Variants in CDH18 observed in about 807,000 individuals in gnomAD.
CDH18 encodes cadherin 18.
Under a neutral mutation model 67.9 loss-of-function variants are expected in CDH18, and 31 were observed. That is an observed-to-expected ratio of 0.46 (90% confidence interval 0.34 to 0.62). The LOEUF is 0.62. Ranked by LOEUF, CDH18 falls within the 20% of genes least tolerant of loss-of-function variation. The probability of loss-of-function intolerance (pLI) is 0.01; values close to 1 mark genes in which losing one functional copy is unlikely to be tolerated. For missense variants in CDH18, 890 were observed against 975.5 expected (o/e 0.91, Z 1.17); for synonymous variants, 362 against 347.2 (o/e 1.04, Z -0.48).
intron 5 of CDH18, among the ~76,000 whole-genome samples, chr5:19,647,568 TTGTAGTGGACTCTGGAGG>T (rs1241042790): frequency 2.2e-5 from 3 of 137,834 alleles, no homozygotes; most frequent in Non-Finnish European, 3.1e-5. Flanking sequence ...AAGATGCCTA[TTGTAGTGGACTCTGGAGG>T]CTAGCAACAA....
intron 1 of CDH18, among the ~76,000 whole-genome samples, chr5:20,482,175 T>TA (rs1186454942): frequency 6.6e-6 from 1 of 151,654 alleles, no homozygotes; most frequent in East Asian, 1.9e-4. Flanking sequence ...GCCAACCAAC[T>TA]AAAAAATCTA....
chr5:20,004,603 A>G (rs1736736405), intron 2 of CDH18, among the ~76,000 whole-genome samples: 1 of 152,248 alleles, frequency 6.6e-6, no homozygotes, highest in Non-Finnish European at 1.5e-5. Flanking sequence ...AAGATGGAAC[A>G]ATTATTAACT....
intron 2 of CDH18, among the ~76,000 whole-genome samples, chr5:19,873,463 A>G (rs1786556781): frequency 6.6e-6 from 1 of 152,102 alleles, no homozygotes; most frequent in African/African-American, 2.4e-5. Flanking sequence ...ATGGTGGAAG[A>G]GAAGAGGCTT....
chr5:19,588,581 C>T (rs1232873491), intron 7 of CDH18, among the ~76,000 whole-genome samples: 1 of 151,798 alleles, frequency 6.6e-6, no homozygotes, highest in Non-Finnish European at 1.5e-5. Flanking sequence ...ATAGGCTAAA[C>T]CCCCCAATAA....
At chr5:19,600,221 G>GA (rs1209109072) in intron 6 of CDH18, among the ~76,000 whole-genome samples, 4 of 112,860 alleles carry the variant, frequency 3.5e-5, no homozygotes, top group Non-Finnish European at 7.1e-5. Context: ...AGGGGGGAGG[G>GA]ATAGCACTAG....
chr5:20,009,049 G>T (rs1027495885), intron 2 of CDH18, among the ~76,000 whole-genome samples: 1 of 152,082 alleles, frequency 6.6e-6, no homozygotes, highest in Non-Finnish European at 1.5e-5. Context: ...TCTGTATTGT[G>T]AGCTTGGTTA....
chr5:20,356,362 G>A (rs183110750), intron 1 of CDH18, among the ~76,000 whole-genome samples: 152 of 152,160 alleles, frequency 1.0e-3, no homozygotes, highest in Middle Eastern at 6.8e-3. Context: ...CAGCCTGGGC[G>A]AAAGAGCAAG....
At chr5:20,110,118 A>G (rs892348839) in intron 2 of CDH18, among the ~76,000 whole-genome samples, 2 of 152,198 alleles carry the variant, frequency 1.3e-5, no homozygotes, top group Non-Finnish European at 2.9e-5. Context: ...CATAAAGAAA[A>G]CAATGCATTT....
At chr5:20,165,664 A>T (rs1480694419) in intron 2 of CDH18, among the ~76,000 whole-genome samples, 1 of 152,138 alleles carries the variant, frequency 6.6e-6, no homozygotes, top group Non-Finnish European at 1.5e-5. Context: ...CACTCTCCCA[A>T]TGAAATCGTT....
At chr5:20,320,433 A>G (rs747338747) in intron 1 of CDH18, among the ~76,000 whole-genome samples, 12 of 151,992 alleles carry the variant, frequency 7.9e-5, no homozygotes, top group Admixed American at 3.3e-4. Flanking sequence ...GGCAGTCAGA[A>G]TCCTGAAGTG....
chr5:20,477,723 C>T (rs74538123), intron 1 of CDH18, among the ~76,000 whole-genome samples: 5,725 of 152,200 alleles, frequency 0.038, 353 homozygotes, highest in African/African-American at 0.13. Flanking sequence ...ACTGCAATTG[C>T]TTGGAAAGTC....
chr5:19,820,999 C>T (rs187458550), intron 3 of CDH18, among the ~76,000 whole-genome samples: 2 of 152,292 alleles, frequency 1.3e-5, no homozygotes, highest in Admixed American at 6.5e-5. Context: ...CGTTACTCAT[C>T]TCAGATGAGA....
At chr5:19,877,350 G>C (rs1308426013) in intron 2 of CDH18, among the ~76,000 whole-genome samples, 1 of 152,054 alleles carries the variant, frequency 6.6e-6, no homozygotes, top group Non-Finnish European at 1.5e-5. Context: ...TTTAAATGTG[G>C]GTATGCTTTG....
chr5:20,370,973 G>T (rs1426057291), intron 1 of CDH18, among the ~76,000 whole-genome samples: 1 of 151,452 alleles, frequency 6.6e-6, no homozygotes, highest in African/African-American at 2.4e-5. Flanking sequence ...GGAAGTGGAG[G>T]TTGCAGTGAG....
intron 2 of CDH18, among the ~76,000 whole-genome samples, chr5:20,023,531 C>A (rs1328110782): frequency 2.0e-5 from 3 of 151,770 alleles, no homozygotes; most frequent in Non-Finnish European, 4.4e-5. Flanking sequence ...TGGTGGCGGG[C>A]ACCTGTACTC....
chr5:20,530,496 G>A (rs1756333214), intron 1 of CDH18, among the ~76,000 whole-genome samples: 2 of 151,936 alleles, frequency 1.3e-5, no homozygotes, highest in African/African-American at 4.8e-5. Flanking sequence ...TATACTACAA[G>A]GCAACAGTGA....
chr5:20,256,272 G>T (rs1744228197), intron 1 of CDH18, among the ~76,000 whole-genome samples: 1 of 152,006 alleles, frequency 6.6e-6, no homozygotes, highest in South Asian at 2.1e-4. Context: ...GTTCTCAGAA[G>T]ATAATAATCC....
rs533495562 is a variant in CDH18, at chr5:19,708,672, C to T, written c.643+12675G>A. 5.3e-5 allele frequency among the ~76,000 whole-genome samples: 8 copies of T among 152,300 alleles called. No homozygotes were observed. The South Asian group carries it at 8.3e-4, about 16-fold the overall frequency. On this transcript the variant is annotated intron_variant, in intron 5 of 12. Transcript: ENST00000382275. ...CCTGAACCACAAACAATAGCATGAG[C>T]GATCTGTGCCTTAAGAACATGTTCC...
intron 2 of CDH18, among the ~76,000 whole-genome samples, chr5:20,117,788 A>G (rs1346168772): frequency 6.6e-6 from 1 of 152,218 alleles, no homozygotes; most frequent in African/African-American, 2.4e-5. Context: ...ATTTTAAGGC[A>G]CTTAATGAAA....
Sources: gnomAD v4.1 joint callset for allele counts (sites outside exome capture counted in the v4.1 genomes callset) on GRCh38, gnomAD v4.1.1 for gene constraint, MANE v1.5 for transcripts, NCBI Gene and HGNC (gene_info 2026-07-23, HGNC 2026-07-21) for gene names.